COG5: variants seen among roughly 807,000 people sequenced by gnomAD.
COG5 encodes conserved oligomeric Golgi complex subunit 5.
COG5 carries 86 observed loss-of-function variants against 110.4 expected under a neutral mutation model. The observed-to-expected ratio is 0.78, with a 90% CI of 0.65 to 0.93. The LOEUF (loss-of-function observed/expected upper bound fraction) is 0.93, where lower values mean the gene tolerates loss of function less well. Among genes scored for constraint, COG5 ranks in the 40% least tolerant of loss-of-function variants. The pLI is 0.00. For missense variants in COG5, 1,077 were observed against 987.0 expected, an observed-to-expected ratio of 1.09 and a Z score of -1.22; for synonymous variants, 360 against 334.6, an observed-to-expected ratio of 1.08 and a Z score of -0.83.
chr7:107,335,381 C>T (rs1810618843), intron 10 of COG5, among the ~76,000 whole-genome samples: 1 of 152,002 alleles, frequency 6.6e-6, no homozygotes, highest in South Asian at 2.1e-4. Flanking sequence ...CAGAGCAAGA[C>T]TTCATCTCAA....
At chr7:107,401,552 T>G (rs1444181362) in intron 7 of COG5, among the ~76,000 whole-genome samples, 1 of 152,176 alleles carries the variant, frequency 6.6e-6, no homozygotes, top group Non-Finnish European at 1.5e-5. Context: ...AATTATCATT[T>G]GAAGGTCATA....
At chr7:107,529,394 C>T (rs1444333576) in intron 5 of COG5, among the ~76,000 whole-genome samples, 1 of 152,180 alleles carries the variant, frequency 6.6e-6, no homozygotes, top group Non-Finnish European at 1.5e-5. Flanking sequence ...TGATGGTCCA[C>T]GCCTGGTGCA....
chr7:107,275,284 T>C lies in COG5; in HGVS notation c.1575+6016A>G, dbSNP rs1429854746. Reference sequence around the variant, plus strand: ...CCTGGCCAAAATAGTGAGAACCCCATCTCTTAAAAAAAAAAAAAAGGATCA... The same window carrying C: ...CCTGGCCAAAATAGTGAGAACCCCACCTCTTAAAAAAAAAAAAAAGGATCA... On this transcript the variant is annotated intron_variant, in intron 14 of 21. Coordinates refer to ENST00000297135, the MANE Select transcript of COG5 (RefSeq NM_006348.5). 2.8e-5 allele frequency among the ~76,000 whole-genome samples: 4 copies of C among 145,242 alleles called. No homozygotes were observed. The East Asian group carries it at 8.1e-4, about 29-fold the overall frequency.
intron 13 of COG5, among the ~76,000 whole-genome samples, chr7:107,282,526 T>C (rs1242479783): frequency 6.6e-6 from 1 of 152,182 alleles, no homozygotes. Flanking sequence ...TGTGGCTTTT[T>C]ATTTTTATTT....
At chr7:107,349,014 A>G (rs914604690) in intron 10 of COG5, among the ~76,000 whole-genome samples, 5 of 152,202 alleles carry the variant, frequency 3.3e-5, no homozygotes, top group African/African-American at 1.2e-4. Context: ...CACATGTACC[A>G]ACATGCCTGG....
At chr7:107,424,508 T>C (rs1251860324) in intron 6 of COG5, among the ~76,000 whole-genome samples, 1 of 151,270 alleles carries the variant, frequency 6.6e-6, no homozygotes, top group Non-Finnish European at 1.5e-5. Context: ...AACAAAACTT[T>C]TTTTTTTTTT....
rs183175096 is a variant in COG5 at position 107,243,286 on chromosome 7, G to A, written c.1853+5110C>T. Among the ~76,000 whole-genome samples, 678 of 152,180 alleles carry A rather than the reference G, an allele frequency of 4.5e-3. 3 individuals carry two copies. Among genetic ancestry groups the A allele is most frequent in the African/African-American group, 0.016 (650 of 41,526 alleles). On this transcript the variant is annotated intron_variant, in intron 17 of 21. Transcript: ENST00000297135. The stretch of plus-strand genomic sequence containing the variant: ...CCCAGCACCTTGGGAGGCCGAGACG[G>A]GTGGATCACAAGGTCAGAAGATCGA...
In COG5 at chr7:107,281,391, T is replaced by C. The variant is rs754115684; in HGVS notation, c.1484A>G (p.Asn495Ser). 3 of 1,611,676 alleles carry C rather than the reference T, an allele frequency of 1.9e-6. No homozygotes were observed. The highest frequency in any genetic ancestry group is 1.1e-5 in the South Asian group (1 of 91,032). ...GAGGTTTGTATCAACAGCAGCAACA[T>C]TTAGTTCACTGGAGAAAATGAAAAC... is the stretch of plus-strand genomic sequence containing the variant. ...GIIKTIASEL[N>S]VAAVDTNLTL... The change falls in exon 14 of 22, where the codon AAT (asparagine) becomes AGT (serine). Residue 495 changes from asparagine to serine, a missense_variant. By Grantham distance (46) the Asn-to-Ser change is conservative. Transcript: ENST00000297135.
chr7:107,471,965 A>G (rs1016573383), intron 6 of COG5: 2 of 152,064 alleles, frequency 1.3e-5, no homozygotes, highest in Non-Finnish European at 2.9e-5. Flanking sequence ...AATAGTGAGC[A>G]CTGCTATTAA....
chr7:107,433,080 C>T (rs1173753176), intron 6 of COG5, among the ~76,000 whole-genome samples: 1 of 152,088 alleles, frequency 6.6e-6, no homozygotes, highest in Non-Finnish European at 1.5e-5. Flanking sequence ...ATCCCATTTA[C>T]AATTTTAGCA....
intron 7 of COG5, among the ~76,000 whole-genome samples, chr7:107,392,585 T>C (rs1790699575): frequency 6.6e-6 from 1 of 151,568 alleles, no homozygotes; most frequent in South Asian, 2.1e-4. Flanking sequence ...GGAAGTAGAA[T>C]GACCAATGAG....
chr7:107,325,345 A>G (rs984029476), intron 10 of COG5, among the ~76,000 whole-genome samples: 10 of 152,212 alleles, frequency 6.6e-5, no homozygotes, highest in African/African-American at 2.4e-4. Context: ...TGCCAACTTC[A>G]TATGGTTCAA....
chr7:107,210,548 T>C lies in COG5; in HGVS notation c.2353A>G (p.Lys785Glu), dbSNP rs1799085901. The change falls in exon 21 of 22, where the codon AAG (lysine) becomes GAG (glutamate). Residue 785 changes from lysine (K) to glutamate (E), a missense_variant. Lys to Glu is a moderately conservative substitution (Grantham distance 56). Coordinates refer to ENST00000297135, the MANE Select transcript of COG5 (RefSeq NM_006348.5). Reference protein sequence around the residue: ...SQWLDDHPSEKDRLLLIRGAL... With the variant: ...SQWLDDHPSEEDRLLLIRGAL... ...TACCTGATGAGGAGGAGCCTGTCCT[T>C]TTCAGATGGATGGTCATCCAGCCAC... The C allele has an allele frequency of 1.2e-6, 2 of 1,602,832 alleles. No homozygotes were observed. Among genetic ancestry groups the C allele is most frequent in the Non-Finnish European group, 1.7e-6 (2 of 1,174,838 alleles).
intron 20 of COG5, among the ~76,000 whole-genome samples, chr7:107,210,893 A>T (rs1799110241): frequency 6.6e-6 from 1 of 152,278 alleles, no homozygotes; most frequent in African/African-American, 2.4e-5. Flanking sequence ...TTCTGGATGC[A>T]TCAGGTAATT....
intron 6 of COG5, among the ~76,000 whole-genome samples, chr7:107,461,200 A>T (rs1795970009): frequency 6.6e-6 from 1 of 152,140 alleles, no homozygotes; most frequent in Admixed American, 6.5e-5. Flanking sequence ...TTTTAAAAAT[A>T]ATTGTTGATA....
intron 10 of COG5, among the ~76,000 whole-genome samples, chr7:107,357,811 G>A (rs1056945065): frequency 6.6e-6 from 1 of 152,114 alleles, no homozygotes; most frequent in African/African-American, 2.4e-5. Flanking sequence ...TGGAACTACA[G>A]GTGTACACTA....
At chr7:107,302,538 T>C (rs905624265) in intron 11 of COG5, among the ~76,000 whole-genome samples, 2 of 152,206 alleles carry the variant, frequency 1.3e-5, no homozygotes, top group Non-Finnish European at 2.9e-5. Context: ...ATGCCAGCTA[T>C]ACCTCAGTAA....
chr7:107,400,727 T>C (rs1404749152), intron 7 of COG5, among the ~76,000 whole-genome samples: 2 of 152,096 alleles, frequency 1.3e-5, no homozygotes, highest in African/African-American at 4.8e-5. Flanking sequence ...TAGATGTAAG[T>C]CCACACTGCA....
Position 107,370,113 on chromosome 7 carries a change from A to T in COG5, c.835+2482T>A, listed in dbSNP as rs1213045810. Among the ~76,000 whole-genome samples, 37 of 151,976 alleles carry T rather than the reference A, an allele frequency of 2.4e-4. 1 individual carries two copies. The highest frequency in any genetic ancestry group is 2.4e-3 in the Admixed American group (36 of 15,276). Reference sequence around the variant, plus strand: ...TATATTTATATATGTGCGTGTGTGTATAATTTTTTTTCTCTTCTTAGGAAG... The same window carrying T: ...TATATTTATATATGTGCGTGTGTGTTTAATTTTTTTTCTCTTCTTAGGAAG... On this transcript the variant is annotated intron_variant, in intron 8 of 21. Coordinates refer to ENST00000297135, the MANE Select transcript of COG5 (RefSeq NM_006348.5).
Sources: allele counts gnomAD v4.1 joint callset (sites outside exome capture counted in the v4.1 genomes callset), GRCh38; gene constraint gnomAD v4.1.1; transcripts MANE v1.5; gene names NCBI Gene and HGNC (gene_info 2026-07-23, HGNC 2026-07-21).